WDPCP: variants seen among roughly 807,000 people sequenced by gnomAD.
WDPCP encodes the protein WD repeat-containing and planar cell polarity effector protein fritz homolog.
WDPCP carries 71 observed loss-of-function variants against 93.1 expected under a neutral mutation model. The observed-to-expected ratio is 0.76, with a 90% CI of 0.63 to 0.93. WDPCP has a LOEUF of 0.93. Ranked by LOEUF, WDPCP falls within the 40% of genes least tolerant of loss-of-function variation. The probability of loss-of-function intolerance (pLI) is 0.00; values close to 1 mark genes in which losing one functional copy is unlikely to be tolerated. For missense variants in WDPCP, 844 were observed against 887.4 expected (o/e 0.95, Z 0.62); for synonymous variants, 315 against 315.0 (o/e 1.00, Z 0.00).
intron 1 of WDPCP, among the ~76,000 whole-genome samples, chr2:63,505,754 T>C (rs1054225115): frequency 2.7e-4 from 41 of 152,100 alleles, no homozygotes; most frequent in Non-Finnish European, 2.2e-4. Flanking sequence ...CATTTTATCT[T>C]CTAATTATTT....
chr2:63,733,986 T>C (rs570544221), intron 2 of WDPCP, among the ~76,000 whole-genome samples: 106 of 152,342 alleles, frequency 7.0e-4, no homozygotes, highest in Middle Eastern at 6.8e-3. Context: ...AAATATCACA[T>C]GAATAGAATC....
intron 2 of WDPCP, among the ~76,000 whole-genome samples, chr2:63,490,627 G>T (rs975183334): frequency 1.3e-5 from 2 of 152,176 alleles, no homozygotes; most frequent in African/African-American, 4.8e-5. Context: ...CAAAAATGCA[G>T]TTGGGGTTGA....
intron 13 of WDPCP, among the ~76,000 whole-genome samples, chr2:63,263,883 C>G (rs752985979): frequency 6.6e-6 from 1 of 152,186 alleles, no homozygotes; most frequent in Non-Finnish European, 1.5e-5. Context: ...TTTTAATCAA[C>G]AGATATTAGC....
chr2:63,154,858 G>T (rs547731781), intron 15 of WDPCP, among the ~76,000 whole-genome samples: 2 of 152,200 alleles, frequency 1.3e-5, no homozygotes, highest in East Asian at 3.9e-4. Flanking sequence ...GGTGTACAGA[G>T]GTATCTATCT....
At chr2:63,197,544 G>T (rs913430182) in intron 14 of WDPCP, among the ~76,000 whole-genome samples, 1 of 152,098 alleles carries the variant, frequency 6.6e-6, no homozygotes, top group Non-Finnish European at 1.5e-5. Context: ...ATACTCTTTG[G>T]CCTAGAAAGC....
intron 6 of WDPCP, among the ~76,000 whole-genome samples, chr2:63,448,544 T>C (rs1240189429): frequency 6.6e-6 from 1 of 152,066 alleles, no homozygotes; most frequent in Non-Finnish European, 1.5e-5. Context: ...ACAGCAGAAA[T>C]CTCTTAGAGT....
intron 2 of WDPCP, among the ~76,000 whole-genome samples, chr2:63,779,906 C>A (rs1670363372): frequency 1.3e-5 from 2 of 152,124 alleles, no homozygotes; most frequent in African/African-American, 4.8e-5. Context: ...ACTTTCATTT[C>A]TTTTTCCAAA....
chr2:63,405,071 C>A (rs997877121), intron 9 of WDPCP, among the ~76,000 whole-genome samples: 16 of 152,038 alleles, frequency 1.1e-4, no homozygotes, highest in African/African-American at 3.9e-4. Flanking sequence ...AAGAACTTAC[C>A]AACACAAAGT....
intron 14 of WDPCP, among the ~76,000 whole-genome samples, chr2:63,175,884 C>T (rs1303678304): frequency 1.3e-5 from 2 of 152,120 alleles, no homozygotes; most frequent in Non-Finnish European, 2.9e-5. Flanking sequence ...AATAATGCTG[C>T]TATGAACATG....
At chr2:63,250,367 T>A (rs1393300484) in intron 14 of WDPCP, among the ~76,000 whole-genome samples, 1 of 152,194 alleles carries the variant, frequency 6.6e-6, no homozygotes, top group Non-Finnish European at 1.5e-5. Flanking sequence ...ATGAATTATT[T>A]ATTTCTGGAA....
At chr2:63,439,520 A>G (rs1697358040) in intron 7 of WDPCP, among the ~76,000 whole-genome samples, 1 of 152,140 alleles carries the variant, frequency 6.6e-6, no homozygotes, top group Non-Finnish European at 1.5e-5. Context: ...ACTTCTTTTA[A>G]GGAAAAAGTA....
rs1348041793 is a variant in WDPCP, at chr2:63,152,821, T to C, written c.2190+93A>G. The C allele has an allele frequency of 1.1e-5, 13 of 1,193,532 alleles. No individual in the cohort carries two copies. In the East Asian group the frequency reaches 2.8e-4, roughly 26 times the overall value. 73.9% of individuals were successfully genotyped at this position (1,193,532 alleles called of 1,614,324 possible). The stretch of plus-strand genomic sequence containing the variant: ...ATGTAGTCCAGTTAATGTAGACCAA[T>C]AGATAGCATTTCTTGAGTTCAAAAT... On this transcript the variant is annotated intron_variant, in intron 17 of 17. Transcript: ENST00000272321.
Position 63,434,062 on chromosome 2 carries a change from G to A in WDPCP, c.634-126C>T, listed in dbSNP as rs1360493593. 7 of 927,342 alleles carry A rather than the reference G, an allele frequency of 7.5e-6. No homozygotes were observed. The East Asian group carries it at 1.1e-4, about 14-fold the overall frequency. 57.4% of individuals were successfully genotyped at this position (927,342 alleles called of 1,614,324 possible). A position where few individuals can be genotyped will look rare whatever the true frequency, so the allele number is the denominator to read the frequency against. On this transcript the variant is annotated intron_variant, in intron 8 of 17. Transcript: ENST00000272321. ...AAGTAAATATGCATGTTAAACATGTGCGTAAGAAGGTGTCAGAATTTACCA... is the reference window on the plus strand; with the variant it reads ...AAGTAAATATGCATGTTAAACATGTACGTAAGAAGGTGTCAGAATTTACCA...
At chr2:63,559,050 C>T (rs537736576) in intron 1 of WDPCP, among the ~76,000 whole-genome samples, 8 of 152,182 alleles carry the variant, frequency 5.3e-5, no homozygotes, top group East Asian at 1.9e-4. Context: ...ACTGGCAAAC[C>T]GAATCCAGCA....
chr2:63,199,103 G>A (rs910263385), intron 14 of WDPCP, among the ~76,000 whole-genome samples: 8 of 152,170 alleles, frequency 5.3e-5, no homozygotes, highest in Non-Finnish European at 8.8e-5. Context: ...GGATTTCTAA[G>A]CAGCAAAGCA....
At position 63,673,293 on chromosome 2, in the gene WDPCP, T is replaced by C. The variant is rs114340880; in HGVS notation, n.309-22455A>G. On this transcript the variant is annotated intron_variant and non_coding_transcript_variant, in intron 2 of 4. Coordinates refer to the WDPCP transcript ENST00000467687. ...GGGATTAGATAGATACACAGGAGAT[T>C]TATTGGAGAAAATGCCTGTGAAGGA... Among the ~76,000 whole-genome samples, 568 of 152,122 alleles carry C rather than the reference T, an allele frequency of 3.7e-3. 2 individuals carry two copies. The highest frequency in any genetic ancestry group is 0.01 in the Middle Eastern group (3 of 294).
chr2:63,273,079 A>G (rs1353658404), intron 13 of WDPCP, among the ~76,000 whole-genome samples: 2 of 152,188 alleles, frequency 1.3e-5, no homozygotes, highest in African/African-American at 2.4e-5. Flanking sequence ...AGAGAATAGG[A>G]TGATATATTC....
chr2:63,369,833 A>G (rs1691233356), intron 12 of WDPCP, among the ~76,000 whole-genome samples: 1 of 152,184 alleles, frequency 6.6e-6, no homozygotes, highest in Non-Finnish European at 1.5e-5. Context: ...TACCCATTTG[A>G]TTTTTAGACA....
chr2:63,487,987 C>T (rs933653545), intron 2 of WDPCP, among the ~76,000 whole-genome samples: 12 of 152,018 alleles, frequency 7.9e-5, no homozygotes, highest in Admixed American at 7.2e-4. Flanking sequence ...ATTAGAGGAA[C>T]GTTTGGATAC....
Sources: allele counts gnomAD v4.1 joint callset (sites outside exome capture counted in the v4.1 genomes callset), GRCh38; gene constraint gnomAD v4.1.1; transcripts MANE v1.5; gene names NCBI Gene and HGNC (gene_info 2026-07-23, HGNC 2026-07-21).